HIPK2: variants seen among roughly 807,000 people sequenced by gnomAD.
HIPK2 encodes the protein homeodomain-interacting protein kinase 2.
In HIPK2, 27 loss-of-function variants were observed where a neutral mutation model predicts 113.7. The observed-to-expected ratio is 0.24, with a 90% confidence interval of 0.17 to 0.33. HIPK2 has a LOEUF of 0.33. Among genes scored for constraint, HIPK2 ranks in the 10% least tolerant of loss-of-function variants. The pLI is 1.00. For synonymous variants in HIPK2, 631 were observed against 642.2 expected (o/e 0.98, Z 0.26); for missense variants, 1,257 against 1,588.0 (o/e 0.79, Z 3.54).
chr7:139,673,293 C>T (rs74884659), intron 2 of HIPK2, among the ~76,000 whole-genome samples: 2,194 of 152,202 alleles, frequency 0.014, 27 homozygotes, highest in East Asian at 0.049. Context: ...GCTAGCAACA[C>T]ATAATGAGAG....
chr7:139,575,959 C>T (rs939777925), intron 13 of HIPK2, among the ~76,000 whole-genome samples: 4 of 152,230 alleles, frequency 2.6e-5, no homozygotes, highest in Non-Finnish European at 4.4e-5. Flanking sequence ...TCTTCAGAAT[C>T]GTGAGCCAAA....
chr7:139,617,535 C>T (rs1050796500), intron 7 of HIPK2, among the ~76,000 whole-genome samples: 3 of 152,142 alleles, frequency 2.0e-5, no homozygotes, highest in African/African-American at 7.2e-5. Flanking sequence ...TAGAATTCCA[C>T]GGAAATGTTA....
chr7:139,600,793 A>G (rs1032087727), intron 10 of HIPK2, among the ~76,000 whole-genome samples, 197 bp from the exon 11 acceptor site: 5 of 152,238 alleles, frequency 3.3e-5, no homozygotes, highest in African/African-American at 1.2e-4. Context: ...TAGGTGAAAC[A>G]TAACTGGCTG....
rs564622369 is a variant in HIPK2, at chr7:139,749,261, TG to T, written c.19+28343del. On this transcript the variant is annotated intron_variant, in intron 1 of 14. Transcript: ENST00000406875. ...CCAAGCTCATCAGACGTGATTGTCATGAACAGAAAGCTATCCACCAGCACAG... is the reference window on the plus strand; with the variant it reads ...CCAAGCTCATCAGACGTGATTGTCATAACAGAAAGCTATCCACCAGCACAG... Among the ~76,000 whole-genome samples, 3 of 152,378 alleles carry T rather than the reference TG, an allele frequency of 2.0e-5. No homozygotes were observed. The South Asian group carries it at 6.2e-4, about 32-fold the overall frequency.
At chr7:139,623,938 ATTAT>A (rs1800331603) in intron 6 of HIPK2, among the ~76,000 whole-genome samples, 1 of 151,956 alleles carries the variant, frequency 6.6e-6, no homozygotes, top group African/African-American at 2.4e-5. Context: ...GTAGGATGTG[ATTAT>A]TTATTCTTTT....
intron 1 of HIPK2, among the ~76,000 whole-genome samples, chr7:139,743,930 A>C (rs1210321286): frequency 1.3e-5 from 2 of 152,222 alleles, no homozygotes; most frequent in Admixed American, 1.3e-4. Flanking sequence ...CTTACAACTC[A>C]ATAATAAAAA....
At chr7:139,748,928 G>A (rs1796235590) in intron 1 of HIPK2, among the ~76,000 whole-genome samples, 1 of 152,182 alleles carries the variant, frequency 6.6e-6, no homozygotes, top group African/African-American at 2.4e-5. Flanking sequence ...AGCAGCTGGT[G>A]ACCCCAGGCA....
intron 2 of HIPK2, among the ~76,000 whole-genome samples, chr7:139,632,958 C>T (rs772871528): frequency 2.0e-5 from 3 of 151,448 alleles, no homozygotes; most frequent in African/African-American, 2.4e-5. Context: ...TAGCAGGGTG[C>T]GGTGGTGTGT....
In HIPK2 at chr7:139,626,770, C is replaced by G; in HGVS notation, c.1450G>C (p.Asp484His). Residue 484 changes from aspartate (D) to histidine (H), a missense_variant, in exon 6 of 15, where the codon GAT (aspartate) becomes CAT (histidine). This residue lies in a region of HIPK2 where 862 missense variants were observed against 1,004.3 expected (regional missense o/e 0.86). Transcript: ENST00000406875. ...ACCAACATGTCGCTCCCTTCCAAAT[C>G]TGTCGTCATGTTCACCTGGACGCAA... ...DDMAQVNMTT[D>H]LEGSDMLVEK... 6.2e-7 allele frequency: 1 copy of G among 1,614,036 alleles called. No homozygotes were observed. Among genetic ancestry groups the G allele is most frequent in the Non-Finnish European group, 8.5e-7 (1 of 1,179,894 alleles).
intron 1 of HIPK2, among the ~76,000 whole-genome samples, chr7:139,717,604 A>G (rs1056040173): frequency 2.0e-5 from 3 of 152,240 alleles, no homozygotes; most frequent in Non-Finnish European, 4.4e-5. Context: ...TCATTTCAAC[A>G]GCATAAAACA....
intron 1 of HIPK2, among the ~76,000 whole-genome samples, chr7:139,755,599 A>C (rs1047612626): frequency 1.3e-5 from 2 of 152,154 alleles, no homozygotes; most frequent in African/African-American, 2.4e-5. Context: ...CCCTCAATGG[A>C]ACTGTAAACA....
At chr7:139,590,036 G>A (rs1475366563) in intron 12 of HIPK2, among the ~76,000 whole-genome samples, 2 of 152,192 alleles carry the variant, frequency 1.3e-5, no homozygotes, top group Non-Finnish European at 2.9e-5. Context: ...CTAATGGGAA[G>A]CTGTTAAATG....
intron 11 of HIPK2, among the ~76,000 whole-genome samples, chr7:139,598,225 T>C (rs955882946): frequency 3.3e-5 from 5 of 152,210 alleles, no homozygotes; most frequent in Admixed American, 1.3e-4. Flanking sequence ...CTAACAGCAA[T>C]GTATAATGAA....
intron 2 of HIPK2, among the ~76,000 whole-genome samples, chr7:139,672,433 T>C (rs1802336015): frequency 6.6e-6 from 1 of 152,218 alleles, no homozygotes; most frequent in Admixed American, 6.5e-5. Flanking sequence ...AAGTCTTGAC[T>C]TAGAACATGA....
chr7:139,567,653 CACAG>C lies in HIPK2; in HGVS notation c.*5270_*5273del, dbSNP rs1238550036. ...TGTAAAACACACCAGAAGGAAAAGA[CACAG>C]ACAGGGAATGAAGCCTGCAAAGTCC... On this transcript the variant is annotated 3_prime_UTR_variant, in exon 15 of 15. Transcript: ENST00000406875. 1 of 152,170 alleles carries C rather than the reference CACAG, an allele frequency of 6.6e-6. No individual in the cohort carries two copies. The highest frequency in any genetic ancestry group is 2.4e-5 in the African/African-American group (1 of 41,442). 9.4% of individuals were successfully genotyped at this position (152,170 alleles called of 1,614,324 possible). A position where few individuals can be genotyped will look rare whatever the true frequency, so the allele number is the denominator to read the frequency against.
intron 2 of HIPK2, among the ~76,000 whole-genome samples, chr7:139,650,979 A>G (rs116946570): frequency 1.5e-4 from 23 of 152,370 alleles, no homozygotes; most frequent in Non-Finnish European, 2.4e-4. Context: ...CCTGGAGCAC[A>G]GCAACGGTGA....
At chr7:139,660,643 G>A (rs1431031135) in intron 2 of HIPK2, among the ~76,000 whole-genome samples, 1 of 152,186 alleles carries the variant, frequency 6.6e-6, no homozygotes, top group Non-Finnish European at 1.5e-5. Flanking sequence ...CAACAGCCCA[G>A]GTGTTTCCAA....
intron 2 of HIPK2, among the ~76,000 whole-genome samples, chr7:139,710,644 C>T (rs1167931158): frequency 1.3e-5 from 2 of 152,168 alleles, no homozygotes; most frequent in African/African-American, 4.8e-5. Context: ...ACGGGACACT[C>T]AGTAATGAAT....
chr7:139,596,667 T>G (rs1799224520), intron 12 of HIPK2, 50 bp downstream of exon 12: 1 of 1,589,048 alleles, frequency 6.3e-7, no homozygotes, highest in Non-Finnish European at 8.6e-7. Flanking sequence ...CTGCACACAA[T>G]GCAAACCCTC....
Sources: allele counts gnomAD v4.1 joint callset (sites outside exome capture counted in the v4.1 genomes callset), GRCh38; gene constraint gnomAD v4.1.1; regional missense constraint gnomAD v4.1.1; transcripts MANE v1.5; gene names NCBI Gene and HGNC (gene_info 2026-07-23, HGNC 2026-07-21).